TTC33: variants seen among roughly 807,000 people sequenced by gnomAD.
The protein encoded by TTC33 is tetratricopeptide repeat protein 33.
A neutral mutation model predicts 29.4 loss-of-function variants in TTC33; 24 were observed. That is an observed-to-expected ratio of 0.82 (90% CI 0.59 to 1.15). TTC33 has a LOEUF of 1.15. TTC33 is among the 50% of genes most tolerant of loss of function. The pLI, the probability that TTC33 is intolerant of heterozygous loss-of-function variation, is 0.00. For missense variants in TTC33, 286 were observed against 310.4 expected (o/e 0.92, Z 0.59); for synonymous variants, 107 against 100.3 (o/e 1.07, Z -0.40).
chr5:40,738,455 AATAC>A (rs1742606747), intron 2 of TTC33, among the ~76,000 whole-genome samples: 1 of 74,410 alleles, frequency 1.3e-5, no homozygotes, highest in Non-Finnish European at 3.0e-5. Flanking sequence ...AATACAATAC[AATAC>A]AATACAATAC....
At chr5:40,725,785 T>C (rs894720317) in intron 4 of TTC33, among the ~76,000 whole-genome samples, 23 of 95,128 alleles carry the variant, frequency 2.4e-4, no homozygotes, top group African/African-American at 7.8e-4. Context: ...TCTCTTCAGC[T>C]TTTTTTTTTT....
chr5:40,727,443 T>C (rs1304855499), intron 4 of TTC33, among the ~76,000 whole-genome samples: 1 of 152,246 alleles, frequency 6.6e-6, no homozygotes. Flanking sequence ...CTTACCTAGA[T>C]AGCCTCTGCT....
At position 40,713,774 on chromosome 5, in the gene TTC33, T is replaced by G. The variant is rs543300900; in HGVS notation, c.*2371A>C. Among the ~76,000 whole-genome samples, 95 of 152,296 alleles carry G rather than the reference T, an allele frequency of 6.2e-4. No homozygotes were observed. Among genetic ancestry groups the G allele is most frequent in the African/African-American group, 2.3e-3 (94 of 41,576 alleles). On this transcript the variant is annotated 3_prime_UTR_variant, in exon 5 of 5. Coordinates refer to ENST00000337702, the MANE Select transcript of TTC33 (RefSeq NM_012382.3). ...GTTATTTCAGAAAGTATATTAAACA[T>G]CTATATCATTATCATGAACATCAAT... is the stretch of plus-strand genomic sequence containing the variant.
Position 40,714,003 on chromosome 5 carries a change from T to C in TTC33, c.*2142A>G, listed in dbSNP as rs1741948938. On this transcript the variant is annotated 3_prime_UTR_variant, in exon 5 of 5. Transcript: ENST00000337702. ...ACTTACTGTTTCTTTTTCTCCTCTG[T>C]CTTATGTCTAAACTATTTTATGTCT... Among the ~76,000 whole-genome samples the C allele has an allele frequency of 6.6e-6, 1 of 152,198 alleles. No homozygotes were observed.
chr5:40,741,391 T>A (rs1742691503), intron 2 of TTC33, among the ~76,000 whole-genome samples: 1 of 152,198 alleles, frequency 6.6e-6, no homozygotes, highest in South Asian at 2.1e-4. Context: ...TGAATAGCTC[T>A]CCGCTCTGTA....
intron 1 of TTC33, among the ~76,000 whole-genome samples, chr5:40,752,708 T>A (rs1041270211): frequency 1.3e-5 from 2 of 152,186 alleles, no homozygotes; most frequent in Admixed American, 1.3e-4. Flanking sequence ...CAGATCACCA[T>A]AACAGATATA....
At chr5:40,729,099 G>C (rs3805499) in intron 3 of TTC33, among the ~76,000 whole-genome samples, 33,409 of 152,010 alleles carry the variant, frequency 0.22, 4,351 homozygotes, top group Admixed American at 0.37. Flanking sequence ...AAAGATTTGT[G>C]ATACAAACAT....
At chr5:40,742,367 A>G (rs1399247294) in intron 2 of TTC33, among the ~76,000 whole-genome samples, 1 of 152,192 alleles carries the variant, frequency 6.6e-6, no homozygotes, top group Non-Finnish European at 1.5e-5. Flanking sequence ...TTACTACATG[A>G]CAGGCAATAT....
intron 4 of TTC33, among the ~76,000 whole-genome samples, chr5:40,728,107 C>A (rs1742332991): frequency 6.6e-6 from 1 of 151,680 alleles, no homozygotes; most frequent in African/African-American, 2.4e-5. Flanking sequence ...CATGGTGACA[C>A]CCCGTCTCTA....
chr5:40,747,152 G>A (rs1026780087), intron 1 of TTC33, 133 bp from the exon 2 acceptor site: 23 of 720,258 alleles, frequency 3.2e-5, no homozygotes, highest in Admixed American at 1.1e-4. Context: ...TCCGCCTCCC[G>A]GGTTAAGTGA....
chr5:40,748,857 G>C (rs1742846194), intron 1 of TTC33, among the ~76,000 whole-genome samples: 1 of 152,110 alleles, frequency 6.6e-6, no homozygotes, highest in Non-Finnish European at 1.5e-5. Context: ...GATGCTGGCC[G>C]GGCACGGTGG....
At chr5:40,722,776 C>T (rs1439980069) in intron 4 of TTC33, among the ~76,000 whole-genome samples, 2 of 150,512 alleles carry the variant, frequency 1.3e-5, no homozygotes, top group East Asian at 2.0e-4. Flanking sequence ...CCGGAGGTGG[C>T]GGGGCAGCCC....
chr5:40,724,505 C>T (rs1045824478), intron 4 of TTC33, among the ~76,000 whole-genome samples: 3 of 151,860 alleles, frequency 2.0e-5, no homozygotes, highest in African/African-American at 7.3e-5. Flanking sequence ...TGGTGGCACA[C>T]GCCTATAGTC....
chr5:40,738,964 T>C (rs1454811640), intron 2 of TTC33, among the ~76,000 whole-genome samples: 1 of 152,228 alleles, frequency 6.6e-6, no homozygotes, highest in African/African-American at 2.4e-5. Flanking sequence ...GTCAGATATA[T>C]GGACTGGAAA....
chr5:40,748,893 G>A (rs1742847091), intron 1 of TTC33, among the ~76,000 whole-genome samples: 1 of 152,182 alleles, frequency 6.6e-6, no homozygotes, highest in African/African-American at 2.4e-5. Flanking sequence ...CTAGCACTTT[G>A]GGAGGCCAAG....
At chr5:40,725,871 C>T (rs200010491) in intron 4 of TTC33, among the ~76,000 whole-genome samples, 3 of 150,958 alleles carry the variant, frequency 2.0e-5, no homozygotes, top group Admixed American at 1.3e-4. Context: ...CTGCAAGCTC[C>T]GCCTCCCAGG....
Position 40,746,886 on chromosome 5 carries a change from T to A in TTC33, c.133A>T (p.Lys45Ter). Reference sequence around the variant, plus strand: ...TCAAGAAGAATTTCTTTCCTACGTTTAATGGCATGAAGCCAGTTCCCTTCA... The same window carrying A: ...TCAAGAAGAATTTCTTTCCTACGTTAAATGGCATGAAGCCAGTTCCCTTCA... ...NDEGNWLHAI[K>*]RRKEILLEGC... The change falls in exon 2 of 5, where the codon AAA becomes TAA. Residue 45 changes from lysine to a stop codon, truncating the protein, a stop_gained. Coordinates refer to ENST00000337702, the MANE Select transcript of TTC33 (RefSeq NM_012382.3). LOFTEE classifies it high-confidence loss of function. 2 of 1,614,186 alleles carry A rather than the reference T, an allele frequency of 1.2e-6. No homozygotes were observed. Among genetic ancestry groups the A allele is most frequent in the Non-Finnish European group, 1.7e-6 (2 of 1,180,032 alleles).
chr5:40,722,690 TGAG>T (rs1742170010), intron 4 of TTC33, among the ~76,000 whole-genome samples: 1 of 150,410 alleles, frequency 6.6e-6, no homozygotes, highest in South Asian at 2.1e-4. Flanking sequence ...GTCTGGGAAG[TGAG>T]GAGCGTCTCC....
At chr5:40,751,961 GAAAAAAAA>G (rs61319403) in intron 1 of TTC33, among the ~76,000 whole-genome samples, 2 of 126,944 alleles carry the variant, frequency 1.6e-5, no homozygotes, top group African/African-American at 2.9e-5. Context: ...CGTCTCAAAA[GAAAAAAAA>G]AAAAAAAAAG....
Sources: allele counts gnomAD v4.1 joint callset (sites outside exome capture counted in the v4.1 genomes callset), GRCh38; gene constraint gnomAD v4.1.1; transcripts MANE v1.5; gene names NCBI Gene and HGNC (gene_info 2026-07-23, HGNC 2026-07-21).